The following CTNNA2 variants were observed in gnomAD, a reference collection of about 807,000 sequenced individuals.
CTNNA2 encodes the protein catenin alpha 2, also known as catenin alpha-2.
CTNNA2 carries 42 observed loss-of-function variants against 101.0 expected under a neutral mutation model. That is an observed-to-expected ratio of 0.42 (90% CI 0.32 to 0.54). The LOEUF is 0.54. Ranked by LOEUF, CTNNA2 falls within the 20% of genes least tolerant of loss-of-function variation. CTNNA2 has a pLI of 0.14. For synonymous variants in CTNNA2, 450 were observed against 456.4 expected, an observed-to-expected ratio of 0.99 and a Z score of 0.18; for missense variants, 871 against 1,223.1, an observed-to-expected ratio of 0.71 and a Z score of 4.29.
At chr2:80,425,753 A>G (rs187528870) in intron 9 of CTNNA2, among the ~76,000 whole-genome samples, 8 of 151,974 alleles carry the variant, frequency 5.3e-5, no homozygotes, top group Non-Finnish European at 1.2e-4. Context: ...CAAGTTTGAC[A>G]TTCATAAAAA....
intron 18 of CTNNA2, among the ~76,000 whole-genome samples, chr2:80,620,386 G>C (rs907585523): frequency 6.6e-6 from 1 of 151,688 alleles, no homozygotes; most frequent in African/African-American, 2.4e-5. Flanking sequence ...ATAAATCCCT[G>C]ACCCCCAAAG....
chr2:80,175,806 G>C (rs897095232), intron 7 of CTNNA2, among the ~76,000 whole-genome samples: 1 of 152,210 alleles, frequency 6.6e-6, no homozygotes, highest in Non-Finnish European at 1.5e-5. Context: ...TAAGGCCCAA[G>C]AGCCTCGGCA....
At position 80,237,446 on chromosome 2, in the gene CTNNA2, T is replaced by C. The variant is rs1182811823; in HGVS notation, c.1057-155765T>C. 3.3e-5 allele frequency among the ~76,000 whole-genome samples: 5 copies of C among 152,274 alleles called. 1 individual carries two copies. The East Asian group carries it at 7.7e-4, about 24-fold the overall frequency. On this transcript the variant is annotated intron_variant, in intron 7 of 18. Transcript: ENST00000402739. ...GTATTAGGATGTGTCTCATTGTAAG[T>C]TGAGGAGCATCTATACATAGGTGTA...
At chr2:79,754,766 A>T (rs1248298850) in intron 3 of CTNNA2, among the ~76,000 whole-genome samples, 1 of 151,970 alleles carries the variant, frequency 6.6e-6, no homozygotes, top group Non-Finnish European at 1.5e-5. Context: ...CTGCCTCTGT[A>T]TGGATGGTAC....
chr2:80,218,647 G>T (rs1204203838), intron 7 of CTNNA2, among the ~76,000 whole-genome samples: 1 of 152,130 alleles, frequency 6.6e-6, no homozygotes, highest in Non-Finnish European at 1.5e-5. Flanking sequence ...TAGTCATATT[G>T]TTTACTCACA....
intron 9 of CTNNA2, among the ~76,000 whole-genome samples, chr2:80,463,571 A>C (rs544190565): frequency 8.5e-5 from 13 of 152,276 alleles, no homozygotes; most frequent in African/African-American, 3.1e-4. Context: ...GGCTGCTTTC[A>C]AAATCAACAG....
At chr2:79,302,582 G>T (rs1342243266) in intron 2 of CTNNA2, among the ~76,000 whole-genome samples, 3 of 152,124 alleles carry the variant, frequency 2.0e-5, no homozygotes. Context: ...TCTTGAGAGG[G>T]TTGTCTAGAA....
chr2:80,004,672 C>CATTTATTTATTTATTT (rs59472149), intron 7 of CTNNA2, among the ~76,000 whole-genome samples: 9 of 145,662 alleles, frequency 6.2e-5, no homozygotes, highest in South Asian at 4.6e-4. Context: ...TTTTATTTTA[C>CATTTATTTATTTATTT]ATTTATTTAT....
At chr2:80,156,078 T>C (rs1016977279) in intron 7 of CTNNA2, among the ~76,000 whole-genome samples, 2 of 152,204 alleles carry the variant, frequency 1.3e-5, no homozygotes, top group African/African-American at 4.8e-5. Context: ...TCCAAGGTGA[T>C]GTGGATGCTG....
At chr2:79,718,896 G>A (rs959563504) in intron 2 of CTNNA2, among the ~76,000 whole-genome samples, 2 of 151,304 alleles carry the variant, frequency 1.3e-5, no homozygotes, top group Admixed American at 1.3e-4. Context: ...AAATACCTGT[G>A]ATTAAATAGT....
At position 80,163,180 on chromosome 2, in the gene CTNNA2, G is replaced by C; in HGVS notation, c.1057-230031G>C. 2.9e-6 allele frequency: 4 copies of C among 1,377,012 alleles called. No homozygotes were observed. In the South Asian group the frequency reaches 4.8e-5, roughly 16 times the overall value. The allele number at this position is 1,377,012 out of a possible 1,614,324, so 85.3% of individuals were successfully genotyped here. On this transcript the variant is annotated intron_variant, in intron 7 of 18. Transcript: ENST00000402739. ...GGAAAACCTCGAAAAGGAGCTCCTC[G>C]GTCACTTTCATTTCAAGGTTGCCCA...
chr2:79,617,888 C>T (rs1034238104), intron 1 of CTNNA2, among the ~76,000 whole-genome samples: 4 of 152,126 alleles, frequency 2.6e-5, no homozygotes, highest in African/African-American at 9.6e-5. Context: ...TGTCTCAGTT[C>T]TTCCCCTGTC....
chr2:79,403,747 C>T (rs2104483225), intron 4 of CTNNA2, among the ~76,000 whole-genome samples: 1 of 151,900 alleles, frequency 6.6e-6, no homozygotes, highest in Admixed American at 6.6e-5. Flanking sequence ...ATTTGACTAA[C>T]AAAAATCTAA....
At chr2:79,710,245 T>G (rs796983947) in intron 2 of CTNNA2, among the ~76,000 whole-genome samples, 26 of 152,286 alleles carry the variant, frequency 1.7e-4, no homozygotes, top group African/African-American at 6.0e-4. Flanking sequence ...CCTTATCATA[T>G]GAAGATGAAA....
At chr2:79,549,412 A>T (rs577566461) in intron 1 of CTNNA2, among the ~76,000 whole-genome samples, 3 of 152,210 alleles carry the variant, frequency 2.0e-5, no homozygotes, top group African/African-American at 7.2e-5. Context: ...TTTACATAGT[A>T]TACAAATGTG....
chr2:79,472,641 A>G (rs1383785809), intron 4 of CTNNA2, among the ~76,000 whole-genome samples: 1 of 152,188 alleles, frequency 6.6e-6, no homozygotes, highest in East Asian at 1.9e-4. Flanking sequence ...GTAAGCCTGT[A>G]GTTCATACCC....
At chr2:80,549,881 C>G (rs1020266233) in intron 11 of CTNNA2, among the ~76,000 whole-genome samples, 1 of 152,114 alleles carries the variant, frequency 6.6e-6, no homozygotes, top group Admixed American at 6.6e-5. Context: ...TGACTGCCCT[C>G]CTTGATATAT....
chr2:79,568,494 T>C (rs777269453), intron 1 of CTNNA2, among the ~76,000 whole-genome samples: 5 of 151,780 alleles, frequency 3.3e-5, no homozygotes, highest in Non-Finnish European at 7.4e-5. Flanking sequence ...TCCCAGCTAC[T>C]CAAGAGGCTG....
chr2:79,887,312 G>A (rs943025579), intron 6 of CTNNA2, among the ~76,000 whole-genome samples: 2 of 152,188 alleles, frequency 1.3e-5, no homozygotes, highest in Non-Finnish European at 2.9e-5. Context: ...AACAGGTCAT[G>A]AGAATTGTAC....
Sources: allele counts gnomAD v4.1 joint callset (sites outside exome capture counted in the v4.1 genomes callset), GRCh38; gene constraint gnomAD v4.1.1; transcripts MANE v1.5; gene names NCBI Gene and HGNC (gene_info 2026-07-23, HGNC 2026-07-21).